CASQ1: variants seen among roughly 807,000 people sequenced by gnomAD.
CASQ1 encodes calsequestrin 1, also known as calsequestrin-1.
A neutral mutation model predicts 49.5 loss-of-function variants in CASQ1; 40 were observed. The observed-to-expected ratio is 0.81, with a 90% CI of 0.63 to 1.05. CASQ1 has a LOEUF of 1.05. CASQ1 is among the 50% of genes least tolerant of loss of function. The pLI is 0.00. For synonymous variants in CASQ1, 174 were observed against 187.2 expected (o/e 0.93, Z 0.58); for missense variants, 469 against 486.9 (o/e 0.96, Z 0.35).
chr1:160,190,790 G>A lies in CASQ1; in HGVS notation c.39G>A (p.Pro13=), dbSNP rs368288907. The A allele has an allele frequency of 1.0e-4, 168 of 1,613,990 alleles. No individual in the cohort carries two copies. The highest frequency in any genetic ancestry group is 1.6e-4 in the Middle Eastern group (1 of 6,084). Residue 13 remains proline, a synonymous_variant, in exon 1 of 11, where the codon CCG becomes CCA. Coordinates refer to ENST00000368078, the MANE Select transcript of CASQ1 (RefSeq NM_001231.5). ...ACAGGATGGGGCCCAGAGCTGTGCC[G>A]GGTCTGCGGCTGGCACTGCTGTTGC... ...ATDRMGPRAV[P]GLRLALLLLL...
chr1:160,192,189 G>A (rs1469396785), intron 1 of CASQ1, among the ~76,000 whole-genome samples: 1 of 151,648 alleles, frequency 6.6e-6, no homozygotes, highest in Non-Finnish European at 1.5e-5. Flanking sequence ...GTGCGAAAGG[G>A]GAAAGTTGGG....
chr1:160,195,198 C>A, intron 4 of CASQ1, 75 bp downstream of exon 4: 1 of 940,280 alleles, frequency 1.1e-6, no homozygotes, highest in Non-Finnish European at 1.7e-6. Flanking sequence ...CCCCACATCA[C>A]CCAGTGTCTC....
intron 5 of CASQ1, 46 bp downstream of exon 5, chr1:160,195,580 C>A: frequency 6.4e-7 from 1 of 1,570,258 alleles, no homozygotes; most frequent in Non-Finnish European, 8.8e-7. Context: ...TGTCCTGAAG[C>A]TGTCCTCCAG....
chr1:160,197,811 G>A (rs1292257363), intron 7 of CASQ1, among the ~76,000 whole-genome samples, 197 bp downstream of exon 7: 1 of 152,148 alleles, frequency 6.6e-6, no homozygotes, highest in African/African-American at 2.4e-5. Context: ...GAGGTCAGGA[G>A]ATCGAGACCA....
Position 160,190,578 on chromosome 1 carries a change from T to C in CASQ1, c.-174T>C, listed in dbSNP as rs1221766702. ...TCCACCTGACCCTTTTTCCCTTGGC[T>C]CTGTCGGCAGTTTCTCCAGGACCCA... On this transcript the variant is annotated 5_prime_UTR_variant, in exon 1 of 11. Coordinates refer to ENST00000368078, the MANE Select transcript of CASQ1 (RefSeq NM_001231.5). 9.7e-6 allele frequency: 6 copies of C among 616,814 alleles called. No homozygotes were observed. Among genetic ancestry groups the C allele is most frequent in the Non-Finnish European group, 1.7e-5 (6 of 358,890 alleles). 38.2% of individuals were successfully genotyped at this position (616,814 alleles called of 1,614,324 possible).
chr1:160,190,644 C>A lies in CASQ1; in HGVS notation c.-108C>A. The A allele has an allele frequency of 9.6e-7, 1 of 1,039,064 alleles. No homozygotes were observed. Among genetic ancestry groups the A allele is most frequent in the South Asian group, 1.6e-5 (1 of 62,040 alleles). The allele number at this position is 1,039,064 out of a possible 1,614,324, so 64.4% of individuals were successfully genotyped here. On this transcript the variant is annotated 5_prime_UTR_variant, in exon 1 of 11. Transcript: ENST00000368078. ...CACTGCTCTGGGCCATTCCCCAATC[C>A]CCCCTCCCACTTGAGCCCCTAACTC...
At chr1:160,191,790 G>C (rs1349731990) in intron 1 of CASQ1, among the ~76,000 whole-genome samples, 1 of 152,160 alleles carries the variant, frequency 6.6e-6, no homozygotes, top group Non-Finnish European at 1.5e-5. Flanking sequence ...CACACCTTTA[G>C]GAAATGGGAT....
rs1654383615 is a variant in CASQ1 at position 160,201,754 on chromosome 1, A to G, written c.*378A>G. On this transcript the variant is annotated 3_prime_UTR_variant, in exon 11 of 11. Coordinates refer to ENST00000368078, the MANE Select transcript of CASQ1 (RefSeq NM_001231.5). ...TTTCCCCCACTCTCTCTAATCCTGTATCTTTCTGACTGTCCTGTCCTTGGC... is the reference window on the plus strand; with the variant it reads ...TTTCCCCCACTCTCTCTAATCCTGTGTCTTTCTGACTGTCCTGTCCTTGGC... 1 of 242,980 alleles carries G rather than the reference A, an allele frequency of 4.1e-6. No homozygotes were observed. The highest frequency in any genetic ancestry group is 2.2e-5 in the African/African-American group (1 of 45,344). 15.1% of individuals were successfully genotyped at this position (242,980 alleles called of 1,614,324 possible). A position where few individuals can be genotyped will look rare whatever the true frequency, so the allele number is the denominator to read the frequency against.
At chr1:160,198,573 A>T in intron 7 of CASQ1, 104 bp from the exon 8 acceptor site, 1 of 814,788 alleles carries the variant, frequency 1.2e-6, no homozygotes, top group Non-Finnish European at 2.0e-6. Flanking sequence ...TTTCCACAAA[A>T]TTGAGGTTCA....
intron 7 of CASQ1, chr1:160,198,177 G>C (rs1427313964): frequency 2.5e-5 from 4 of 159,856 alleles, no homozygotes; most frequent in Non-Finnish European, 2.8e-5. Flanking sequence ...CCTTGGAGCT[G>C]AAAGGAGTGT....
At chr1:160,192,734 C>A in intron 1 of CASQ1, 68 bp from the exon 2 acceptor site, 2 of 1,376,550 alleles carry the variant, frequency 1.5e-6, no homozygotes, top group Non-Finnish European at 2.1e-6. Context: ...AACTTGAAAG[C>A]ATGAGAGGGA....
At position 160,197,174 on chromosome 1, in the gene CASQ1, A is replaced by G. The variant is rs111469777; in HGVS notation, c.783-395A>G. ...GTATATACAGTACTTACTCTCCCAT[A>G]CTACTGGCTCCCTTCATCAAGGCAG... On this transcript the variant is annotated intron_variant, in intron 6 of 10. Coordinates refer to ENST00000368078, the MANE Select transcript of CASQ1 (RefSeq NM_001231.5). 7.0e-3 allele frequency among the ~76,000 whole-genome samples: 1,064 copies of G among 152,188 alleles called. 22 individuals carry two copies. In the East Asian group the frequency reaches 0.093, roughly 13 times the overall value.
chr1:160,201,268 G>T lies in CASQ1; in HGVS notation c.1083G>T (p.Met361Ile), dbSNP rs372677723. 6.2e-7 allele frequency: 1 copy of T among 1,613,478 alleles called. No individual in the cohort carries two copies. The highest frequency in any genetic ancestry group is 8.5e-7 in the Non-Finnish European group (1 of 1,179,772). The change falls in exon 11 of 11, where the codon ATG (methionine) becomes ATT (isoleucine). Residue 361 changes from methionine to isoleucine, a missense_variant. Transcript: ENST00000368078. ...VTDADSVWMEMDDEEDLPSAE... is the reference protein window; with the variant it reads ...VTDADSVWMEIDDEEDLPSAE... ...AGGCGGATAGCGTATGGATGGAAAT[G>T]GACGATGAGGAGGACCTGCCTTCTG... is the stretch of plus-strand genomic sequence containing the variant.
At chr1:160,193,929 C>A in intron 3 of CASQ1, 82 bp downstream of exon 3, 1 of 795,252 alleles carries the variant, frequency 1.3e-6, no homozygotes, top group South Asian at 1.4e-5. Context: ...CAACCTGACA[C>A]TGCACACACA....
Position 160,195,653 on chromosome 1 carries a change from C to CT in CASQ1, c.651+119_651+120insT, listed in dbSNP as rs1046744910. ...CCTACGTGCTGGCACTCCCTACCTGCCCCCCCCCCCGGCTCCTCCCACTCC... is the reference window on the plus strand; with the variant it reads ...CCTACGTGCTGGCACTCCCTACCTGCTCCCCCCCCCCGGCTCCTCCCACTCC... On this transcript the variant is annotated intron_variant, in intron 5 of 10. Coordinates refer to ENST00000368078, the MANE Select transcript of CASQ1 (RefSeq NM_001231.5). 16 of 613,264 alleles carry CT rather than the reference C, an allele frequency of 2.6e-5. No individual in the cohort carries two copies. In the Admixed American group the frequency reaches 3.1e-4, roughly 12 times the overall value. 38.0% of individuals were successfully genotyped at this position (613,264 alleles called of 1,614,324 possible).
chr1:160,195,653 C>CA (rs1046744910), intron 5 of CASQ1, 119 bp downstream of exon 5: 6 of 613,264 alleles, frequency 9.8e-6, no homozygotes, highest in Non-Finnish European at 1.5e-5. Context: ...TCCCTACCTG[C>CA]CCCCCCCCCC....
chr1:160,197,416 G>A (rs1333378266), intron 6 of CASQ1, among the ~76,000 whole-genome samples, 153 bp from the exon 7 acceptor site: 1 of 152,168 alleles, frequency 6.6e-6, no homozygotes, highest in Non-Finnish European at 1.5e-5. Flanking sequence ...CGGGCCTGGT[G>A]CCCAGAGTTG....
chr1:160,198,335 G>C (rs950335991), intron 7 of CASQ1: 21 of 207,752 alleles, frequency 1.0e-4, no homozygotes, highest in Non-Finnish European at 1.7e-4. Context: ...GTGAAACAAT[G>C]TTGTACTAAA....
chr1:160,198,669 CCT>C lies in CASQ1; in HGVS notation c.829-7_829-6del, dbSNP rs777524162. ...CAAAACCCTGTTCTCCTTCTTACCC[CCT>C]GACAGGAGGATGATATGGATGGAAT... On this transcript the variant is annotated splice_polypyrimidine_tract_variant and splice_region_variant and intron_variant, in intron 7 of 10. Coordinates refer to ENST00000368078, the MANE Select transcript of CASQ1 (RefSeq NM_001231.5). 17 of 1,611,828 alleles carry C rather than the reference CCT, an allele frequency of 1.1e-5. No homozygotes were observed. Among genetic ancestry groups the C allele is most frequent in the African/African-American group, 2.7e-5 (2 of 74,834 alleles).
Sources: allele counts gnomAD v4.1 joint callset (sites outside exome capture counted in the v4.1 genomes callset), GRCh38; gene constraint gnomAD v4.1.1; transcripts MANE v1.5; gene names NCBI Gene and HGNC (gene_info 2026-07-23, HGNC 2026-07-21).